The following NKAIN3 variants were observed in gnomAD, a reference collection of about 807,000 sequenced individuals.
NKAIN3 encodes sodium/potassium-transporting ATPase subunit beta-1-interacting protein 3.
Under a neutral mutation model 30.2 loss-of-function variants are expected in NKAIN3, and 25 were observed. The ratio of observed to expected loss-of-function variants is 0.83; its 90% CI spans 0.60 to 1.16. The LOEUF (loss-of-function observed/expected upper bound fraction) is 1.16. NKAIN3 is among the 50% of genes most tolerant of loss of function. NKAIN3 has a pLI of 0.00. For missense variants in NKAIN3, 225 were observed against 254.1 expected, an observed-to-expected ratio of 0.89 and a Z score of 0.78; for synonymous variants, 91 against 89.6, an observed-to-expected ratio of 1.02 and a Z score of -0.09.
chr8:62,815,308 C>T (rs2130721689), intron 4 of NKAIN3, among the ~76,000 whole-genome samples: 1 of 152,256 alleles, frequency 6.6e-6, no homozygotes, highest in East Asian at 1.9e-4. Flanking sequence ...GGAACTGGTA[C>T]CATTCCTTCT....
intron 4 of NKAIN3, among the ~76,000 whole-genome samples, chr8:62,885,855 T>C (rs985581786): frequency 1.3e-5 from 2 of 152,186 alleles, no homozygotes; most frequent in African/African-American, 4.8e-5. Flanking sequence ...CCCCATTACT[T>C]TTTATCTGTA....
chr8:62,787,911 T>A (rs953930887), intron 4 of NKAIN3, among the ~76,000 whole-genome samples: 2 of 152,208 alleles, frequency 1.3e-5, no homozygotes, highest in African/African-American at 4.8e-5. Context: ...TGCCACATTT[T>A]CTTAATCCAG....
intron 1 of NKAIN3, among the ~76,000 whole-genome samples, chr8:62,445,389 G>C (rs1189773469): frequency 4.6e-5 from 7 of 150,634 alleles, no homozygotes; most frequent in Non-Finnish European, 1.0e-4. Context: ...GTTTTTTGCT[G>C]TTCAGTTGTT....
chr8:62,371,926 A>T (rs552760682), intron 1 of NKAIN3, among the ~76,000 whole-genome samples: 1 of 152,070 alleles, frequency 6.6e-6, no homozygotes, highest in East Asian at 1.9e-4. Flanking sequence ...CTGACAGAGA[A>T]GTCTCCATTT....
intron 1 of NKAIN3, among the ~76,000 whole-genome samples, chr8:62,515,621 T>G (rs1807962395): frequency 6.6e-6 from 1 of 152,152 alleles, no homozygotes; most frequent in South Asian, 2.1e-4. Flanking sequence ...AGCTGTTATA[T>G]CCTAGGTGTG....
intron 4 of NKAIN3, among the ~76,000 whole-genome samples, chr8:62,804,795 G>A (rs888161863): frequency 6.6e-6 from 1 of 152,108 alleles, no homozygotes; most frequent in East Asian, 1.9e-4. Flanking sequence ...TGGAAGTTCT[G>A]GCCAGGGCAA....
chr8:62,781,800 G>A (rs931986731), intron 4 of NKAIN3, among the ~76,000 whole-genome samples: 3 of 151,302 alleles, frequency 2.0e-5, no homozygotes, highest in African/African-American at 7.3e-5. Context: ...AAGGTAAGAT[G>A]GATTAAAGAT....
At chr8:62,435,833 C>A (rs553687448) in intron 1 of NKAIN3, among the ~76,000 whole-genome samples, 1 of 152,224 alleles carries the variant, frequency 6.6e-6, no homozygotes, top group South Asian at 2.1e-4. Context: ...GTTTTTTAAA[C>A]CTCATGTCTA....
chr8:62,485,546 C>T (rs6994555), intron 1 of NKAIN3, among the ~76,000 whole-genome samples: 4,757 of 152,192 alleles, frequency 0.031, 287 homozygotes, highest in African/African-American at 0.11. Flanking sequence ...CAGCTTTATG[C>T]GGCTTTTTAT....
intron 4 of NKAIN3, among the ~76,000 whole-genome samples, chr8:62,810,884 G>A (rs1025694134): frequency 6.6e-6 from 1 of 152,040 alleles, no homozygotes; most frequent in African/African-American, 2.4e-5. Flanking sequence ...TAAAGGAAGA[G>A]CTTGTGTACT....
intron 4 of NKAIN3, among the ~76,000 whole-genome samples, chr8:62,879,238 T>C (rs1191065585): frequency 6.6e-6 from 1 of 152,242 alleles, no homozygotes; most frequent in Non-Finnish European, 1.5e-5. Flanking sequence ...ATTGTGGTTT[T>C]GATTTGCATT....
downstream of NKAIN3, among the ~76,000 whole-genome samples, chr8:62,989,341 A>T (rs908991468): frequency 3.9e-5 from 6 of 152,330 alleles, no homozygotes; most frequent in African/African-American, 1.4e-4. Context: ...TTTATAAAAA[A>T]TACCAGGTTT....
chr8:62,276,109 A>G (rs987255100), intron 1 of NKAIN3, among the ~76,000 whole-genome samples: 6 of 152,096 alleles, frequency 3.9e-5, no homozygotes, highest in African/African-American at 1.4e-4. Context: ...TCTGTCACCC[A>G]GGCTGGAGTG....
At chr8:62,375,514 C>G (rs1033826420) in intron 1 of NKAIN3, among the ~76,000 whole-genome samples, 1 of 152,100 alleles carries the variant, frequency 6.6e-6, no homozygotes, top group African/African-American at 2.4e-5. Flanking sequence ...TCCATGAGCC[C>G]ACATTTTATA....
chr8:62,386,914 T>TGAGAGAGAGAGA (rs141443243), intron 1 of NKAIN3, among the ~76,000 whole-genome samples: 3 of 147,872 alleles, frequency 2.0e-5, no homozygotes, highest in East Asian at 2.0e-4. Flanking sequence ...AATTGATATA[T>TGAGAGAGAGAGA]GAGAGAGAGA....
chr8:62,494,416 G>T (rs926339778), intron 1 of NKAIN3, among the ~76,000 whole-genome samples: 1 of 151,988 alleles, frequency 6.6e-6, no homozygotes, highest in East Asian at 1.9e-4. Flanking sequence ...TGCTGGATTT[G>T]GTCTGCAAAT....
intron 1 of NKAIN3, among the ~76,000 whole-genome samples, chr8:62,412,036 C>T (rs533391911): frequency 1.3e-5 from 2 of 152,008 alleles, no homozygotes; most frequent in South Asian, 2.1e-4. Context: ...AGTCATTCTT[C>T]GCAAAATGAG....
intron 4 of NKAIN3, among the ~76,000 whole-genome samples, chr8:62,880,250 G>C (rs1820933626): frequency 6.6e-6 from 1 of 152,170 alleles, no homozygotes; most frequent in Admixed American, 6.5e-5. Context: ...ACTGGGATAT[G>C]GCTCCAAGCT....
rs547482665 is a variant in NKAIN3, at chr8:62,658,458, C to T, written c.273+68664C>T. 5.4e-4 allele frequency among the ~76,000 whole-genome samples: 82 copies of T among 152,222 alleles called. 1 individual carries two copies. The South Asian group carries it at 7.7e-3, about 14-fold the overall frequency. On this transcript the variant is annotated intron_variant, in intron 3 of 6. Coordinates refer to ENST00000623646, the MANE Select transcript of NKAIN3 (RefSeq NM_001304533.3). ...TCGGGGAACTGAGGCAGTGGGTGTT[C>T]GTAGTTCTGATTTATCACTGCCTGG...
Sources: gnomAD v4.1 joint callset for allele counts (sites outside exome capture counted in the v4.1 genomes callset) on GRCh38, gnomAD v4.1.1 for gene constraint, MANE v1.5 for transcripts, NCBI Gene and HGNC (gene_info 2026-07-23, HGNC 2026-07-21) for gene names.